SIAH2: variants seen among roughly 807,000 people sequenced by gnomAD.
SIAH2 encodes E3 ubiquitin-protein ligase SIAH2.
In SIAH2, 4 loss-of-function variants were observed where a neutral mutation model predicts 20.4. The ratio of observed to expected loss-of-function variants is 0.20; its 90% CI spans 0.10 to 0.45. The LOEUF is 0.45. SIAH2 is among the 20% of genes least tolerant of loss of function. The pLI is 0.99. For missense variants in SIAH2, 259 were observed against 440.3 expected, an observed-to-expected ratio of 0.59 and a Z score of 3.69; for synonymous variants, 171 against 192.5, an observed-to-expected ratio of 0.89 and a Z score of 0.93.
chr3:150,749,583 G>T (rs1016247350), intron 1 of SIAH2, among the ~76,000 whole-genome samples: 2 of 152,132 alleles, frequency 1.3e-5, no homozygotes, highest in East Asian at 1.9e-4. Context: ...GGACAGAAAT[G>T]GTTTATGCAG....
At position 150,757,673 on chromosome 3, in the gene SIAH2, G is replaced by A. The variant is rs747452147; in HGVS notation, c.417+4760C>T. On this transcript the variant is annotated intron_variant, in intron 1 of 1. Transcript: ENST00000312960. The stretch of plus-strand genomic sequence containing the variant: ...CAGCCAATGCTAGAAAAAAAATCGA[G>A]ATATTTAACATAAAAAAAAAATCCA... 2.6e-5 allele frequency among the ~76,000 whole-genome samples: 4 copies of A among 151,666 alleles called. No individual in the cohort carries two copies. In the East Asian group the frequency reaches 5.8e-4, roughly 22 times the overall value.
chr3:150,751,229 C>T (rs189516213), intron 1 of SIAH2, among the ~76,000 whole-genome samples: 130 of 152,090 alleles, frequency 8.5e-4, no homozygotes, highest in Non-Finnish European at 3.8e-4. Context: ...CTCAGGAGTT[C>T]GAGACCAGCC....
intron 1 of SIAH2, among the ~76,000 whole-genome samples, chr3:150,747,453 A>G (rs1292516987): frequency 2.6e-5 from 4 of 152,178 alleles, no homozygotes; most frequent in Non-Finnish European, 5.9e-5. Context: ...TCTTAGCTGT[A>G]CCCTTTTGTT....
intron 1 of SIAH2, among the ~76,000 whole-genome samples, chr3:150,744,457 C>A (rs1311540736): frequency 6.6e-6 from 1 of 152,130 alleles, no homozygotes; most frequent in Non-Finnish European, 1.5e-5. Flanking sequence ...TCAGGAGAAA[C>A]AAATTTATTT....
chr3:150,760,326 G>A (rs948557591), intron 1 of SIAH2, among the ~76,000 whole-genome samples: 3 of 152,084 alleles, frequency 2.0e-5, no homozygotes, highest in Non-Finnish European at 2.9e-5. Flanking sequence ...GGTCTGCAGG[G>A]GAATAATTGG....
Position 150,762,601 on chromosome 3 carries a change from G to A in SIAH2, c.249C>T (p.Cys83=). 6.2e-7 allele frequency: 1 copy of A among 1,612,792 alleles called. No homozygotes were observed. Among genetic ancestry groups the A allele is most frequent in the Middle Eastern group, 1.7e-4 (1 of 6,060 alleles). Residue 83 remains cysteine (C), a synonymous_variant, in exon 1 of 2, where the codon TGC becomes TGT. Transcript: ENST00000312960. The surrounding 1 kb of genome is among the most constrained non-coding windows in gnomAD (Gnocchi z 6.6). ...ELTSLFECPV[C]FDYVLPPILQ... ...GAATAGGAGGCAGGACATAGTCAAAGCAGACCGGACACTCGAAGAGCGAGG... is the reference window on the plus strand; with the variant it reads ...GAATAGGAGGCAGGACATAGTCAAAACAGACCGGACACTCGAAGAGCGAGG...
rs551341289 is a variant in SIAH2 at position 150,743,655 on chromosome 3, C to T, written c.418-957G>A. 5.3e-5 allele frequency among the ~76,000 whole-genome samples: 8 copies of T among 152,306 alleles called. No individual in the cohort carries two copies. The East Asian group carries it at 1.3e-3, about 26-fold the overall frequency. On this transcript the variant is annotated intron_variant, in intron 1 of 1. Coordinates refer to ENST00000312960, the MANE Select transcript of SIAH2 (RefSeq NM_005067.7). ...GAACAAAATCATTTTCTCCCTTGCA[C>T]TTGGGATGACATTCCTAATGGATAA...
At chr3:150,747,608 AACAC>A (rs369033384) in intron 1 of SIAH2, among the ~76,000 whole-genome samples, 3 of 150,672 alleles carry the variant, frequency 2.0e-5, no homozygotes, top group Non-Finnish European at 3.0e-5. Context: ...ATCTCTAAAG[AACAC>A]ACACACACAC....
Position 150,762,188 on chromosome 3 carries a change from G to A in SIAH2, c.417+245C>T, listed in dbSNP as rs368706128. On this transcript the variant is annotated intron_variant, in intron 1 of 1. Coordinates refer to ENST00000312960, the MANE Select transcript of SIAH2 (RefSeq NM_005067.7). This position sits in a 1 kb window ranked among gnomAD's most constrained non-coding sequence, Gnocchi z 6.6. Reference sequence around the variant, plus strand: ...GGCATTGGGCCGGGTGAGCTACGATGTTCTAACGATCAGCAAATGCCAATT... The same window carrying A: ...GGCATTGGGCCGGGTGAGCTACGATATTCTAACGATCAGCAAATGCCAATT... 22 of 722,788 alleles carry A rather than the reference G, an allele frequency of 3.0e-5. No individual in the cohort carries two copies. The African/African-American group carries it at 3.4e-4, about 11-fold the overall frequency. The allele number at this position is 722,788 out of a possible 1,614,324, so 44.8% of individuals were successfully genotyped here. A position where few individuals can be genotyped will look rare whatever the true frequency, so the allele number is the denominator to read the frequency against.
chr3:150,749,639 A>C (rs16862834), intron 1 of SIAH2, among the ~76,000 whole-genome samples: 1,577 of 152,362 alleles, frequency 0.01, 36 homozygotes, highest in African/African-American at 0.036. Flanking sequence ...GTTTGTTTTA[A>C]AAGAATATAT....
At chr3:150,743,889 G>A (rs531179445) in intron 1 of SIAH2, among the ~76,000 whole-genome samples, 57 of 151,986 alleles carry the variant, frequency 3.8e-4, no homozygotes, top group Non-Finnish European at 5.4e-4. Context: ...TAGACCCCTG[G>A]AGCACAGAAT....
At chr3:150,760,713 G>A (rs931306086) in intron 1 of SIAH2, among the ~76,000 whole-genome samples, 3 of 152,204 alleles carry the variant, frequency 2.0e-5, no homozygotes, top group Non-Finnish European at 4.4e-5. Flanking sequence ...GCCGCTGCGC[G>A]TTTAAGGGAA....
intron 1 of SIAH2, among the ~76,000 whole-genome samples, chr3:150,745,501 CTTTTTTTTTTTT>C (rs1714192358): frequency 6.9e-6 from 1 of 144,748 alleles, no homozygotes; most frequent in Non-Finnish European, 1.5e-5. Context: ...GTTTTCTTTT[CTTTTTTTTTTTT>C]GAGATGGAGT....
intron 1 of SIAH2, among the ~76,000 whole-genome samples, chr3:150,752,905 A>G (rs1041761083): frequency 6.6e-6 from 1 of 152,314 alleles, no homozygotes; most frequent in South Asian, 2.1e-4. Context: ...GACACTGTAT[A>G]TGTAATTAGT....
At chr3:150,756,728 G>A (rs1447424256) in intron 1 of SIAH2, among the ~76,000 whole-genome samples, 1 of 152,168 alleles carries the variant, frequency 6.6e-6, no homozygotes, top group East Asian at 1.9e-4. Flanking sequence ...GTATTCTAAT[G>A]CTTCTGCTTT....
chr3:150,755,545 C>T (rs1714469198), intron 1 of SIAH2, among the ~76,000 whole-genome samples: 1 of 151,470 alleles, frequency 6.6e-6, no homozygotes, highest in Non-Finnish European at 1.5e-5. Context: ...GACGGAGTTT[C>T]ACTCTTGTTG....
At chr3:150,755,546 A>T (rs1714469254) in intron 1 of SIAH2, among the ~76,000 whole-genome samples, 1 of 149,706 alleles carries the variant, frequency 6.7e-6, no homozygotes, top group Non-Finnish European at 1.5e-5. Flanking sequence ...ACGGAGTTTC[A>T]CTCTTGTTGC....
intron 1 of SIAH2, among the ~76,000 whole-genome samples, chr3:150,758,623 T>A (rs1467770850): frequency 6.8e-6 from 1 of 147,552 alleles, no homozygotes; most frequent in Non-Finnish European, 1.5e-5. Context: ...CAGGCTGGAG[T>A]GCAGTGGCAC....
rs1229159984 is a variant in SIAH2, at chr3:150,741,945, C to G, written c.*196G>C. On this transcript the variant is annotated 3_prime_UTR_variant, in exon 2 of 2. Transcript: ENST00000312960. ...GATCACAGAACAGCATCCAAATCAC[C>G]AACAGGCCAACCCCATTCATCCCAG... 2 of 594,008 alleles carry G rather than the reference C, an allele frequency of 3.4e-6. No individual in the cohort carries two copies. Among genetic ancestry groups the G allele is most frequent in the Non-Finnish European group, 6.0e-6 (2 of 332,384 alleles). 36.8% of individuals were successfully genotyped at this position (594,008 alleles called of 1,614,324 possible).
Sources: allele counts gnomAD v4.1 joint callset (sites outside exome capture counted in the v4.1 genomes callset), GRCh38; gene constraint gnomAD v4.1.1; non-coding constraint Gnocchi (gnomAD v3.1); transcripts MANE v1.5; gene names NCBI Gene and HGNC (gene_info 2026-07-23, HGNC 2026-07-21).